SLC15A4: variants seen among roughly 807,000 people sequenced by gnomAD.
The protein encoded by SLC15A4 is solute carrier family 15 member 4.
SLC15A4 carries 26 observed loss-of-function variants against 46.1 expected under a neutral mutation model. That is an observed-to-expected ratio of 0.56 (90% CI 0.41 to 0.78). The LOEUF is 0.78. SLC15A4 is among the 30% of genes least tolerant of loss of function. The pLI, the probability that SLC15A4 is intolerant of heterozygous loss-of-function variation, is 0.00. For synonymous variants in SLC15A4, 370 were observed against 333.4 expected, an observed-to-expected ratio of 1.11 and a Z score of -1.20; for missense variants, 751 against 755.7, an observed-to-expected ratio of 0.99 and a Z score of 0.07.
intron 7 of SLC15A4, among the ~76,000 whole-genome samples, chr12:128,796,289 G>GT (rs1192135713): frequency 6.6e-6 from 1 of 151,998 alleles, no homozygotes; most frequent in Non-Finnish European, 1.5e-5. Flanking sequence ...GCCAGGCGTG[G>GT]TGGCTGGCGC....
rs924430257 is a variant in SLC15A4, at chr12:128,805,821, C to G, written c.1258+2967G>C. On this transcript the variant is annotated intron_variant, in intron 5 of 7. Transcript: ENST00000266771. ...GAAAATCTTTTAAATGGGAAAAAAT[C>G]CATAAGCTAAGAGATAAAAATTTGA... 5.9e-5 allele frequency among the ~76,000 whole-genome samples: 9 copies of G among 152,020 alleles called. No homozygotes were observed. In the East Asian group the frequency reaches 1.7e-3, roughly 29 times the overall value.
At chr12:128,798,128 C>A (rs114087208) in intron 7 of SLC15A4, among the ~76,000 whole-genome samples, 1 of 152,222 alleles carries the variant, frequency 6.6e-6, no homozygotes, top group Non-Finnish European at 1.5e-5. Context: ...AATGACCAGC[C>A]AATCCTTTAT....
chr12:128,814,595 T>C (rs1955718457), intron 2 of SLC15A4, 180 bp downstream of exon 2: 2 of 625,828 alleles, frequency 3.2e-6, no homozygotes, highest in Non-Finnish European at 5.5e-6. Flanking sequence ...GTCTTTAAGA[T>C]GGGATAATAA....
In SLC15A4 at chr12:128,822,714, G is replaced by T. The variant is rs112799501; in HGVS notation, c.546+684C>A. ...GAACAGGTGCCCGCCACCACGCTCG[G>T]CTAATTTTTGTATTTTTAGCCAGGC... On this transcript the variant is annotated intron_variant, in intron 1 of 7. Transcript: ENST00000266771. 3.0e-3 allele frequency among the ~76,000 whole-genome samples: 463 copies of T among 152,236 alleles called. 1 individual carries two copies. Among genetic ancestry groups the T allele is most frequent in the African/African-American group, 0.01 (433 of 41,546 alleles).
intron 1 of SLC15A4, among the ~76,000 whole-genome samples, chr12:128,820,219 G>A (rs1566058964): frequency 1.3e-5 from 2 of 152,152 alleles, no homozygotes; most frequent in African/African-American, 2.4e-5. Flanking sequence ...GAACCATTAC[G>A]GAACGCACGC....
rs368474461 is a variant in SLC15A4 at position 128,800,823 on chromosome 12, C to T, written c.1414+31G>A. 119 of 1,589,256 alleles carry T rather than the reference C, an allele frequency of 7.5e-5. No homozygotes were observed. In the African/African-American group the frequency reaches 1.5e-3, roughly 20 times the overall value. ...CCGAGCGCTCACGCTTGTGCCTGGA[C>T]TCAGACACCTCCGGCACTAAAGGTC... is the stretch of plus-strand genomic sequence containing the variant. On this transcript the variant is annotated intron_variant, in intron 6 of 7. Coordinates refer to ENST00000266771, the MANE Select transcript of SLC15A4 (RefSeq NM_145648.4).
chr12:128,811,080 T>C (rs1955650953), intron 2 of SLC15A4, among the ~76,000 whole-genome samples: 1 of 152,106 alleles, frequency 6.6e-6, no homozygotes, highest in Non-Finnish European at 1.5e-5. Flanking sequence ...ATTTAGAAAA[T>C]GAACAGGCCC....
At position 128,823,636 on chromosome 12, in the gene SLC15A4, G is replaced by A. The variant is rs771113231; in HGVS notation, c.308C>T (p.Ala103Val). The stretch of plus-strand genomic sequence containing the variant: ...CGCCAGGCTCAGCAGGATGGCGCGC[G>A]CCCGGCCCAGCCGCGCGTCGGCCAG... ...GWLADARLGR[A>V]RAILLSLALY... Residue 103 changes from alanine to valine, a missense_variant, in exon 1 of 8, where the codon GCG becomes GTG. Ala to Val is a moderately conservative substitution (Grantham distance 64). Coordinates refer to ENST00000266771, the MANE Select transcript of SLC15A4 (RefSeq NM_145648.4). 6.5e-5 allele frequency: 96 copies of A among 1,482,084 alleles called. No homozygotes were observed. Among genetic ancestry groups the A allele is most frequent in the Non-Finnish European group, 8.5e-5 (95 of 1,121,026 alleles). The allele number at this position is 1,482,084 out of a possible 1,614,324, so 91.8% of individuals were successfully genotyped here.
At chr12:128,815,208 AGAAACATTCACG>A in intron 1 of SLC15A4, 138 bp from the exon 2 acceptor site, 2 of 801,754 alleles carry the variant, frequency 2.5e-6, no homozygotes, top group Non-Finnish European at 3.9e-6. Context: ...TTGTGTTTAC[AGAAACATTCACG>A]GATCTCAACA....
Position 128,806,385 on chromosome 12 carries a change from T to G in SLC15A4, c.1258+2403A>C, listed in dbSNP as rs566284055. Among the ~76,000 whole-genome samples the G allele has an allele frequency of 3.3e-5, 5 of 152,070 alleles. No individual in the cohort carries two copies. In the East Asian group the frequency reaches 9.7e-4, roughly 29 times the overall value. Reference sequence around the variant, plus strand: ...TTTCAACCCTTCAGCTAAGAAAAGATTAACAGAAAAAAAAATCATTTATTA... The same window carrying G: ...TTTCAACCCTTCAGCTAAGAAAAGAGTAACAGAAAAAAAAATCATTTATTA... On this transcript the variant is annotated intron_variant, in intron 5 of 7. Coordinates refer to ENST00000266771, the MANE Select transcript of SLC15A4 (RefSeq NM_145648.4).
intron 7 of SLC15A4, among the ~76,000 whole-genome samples, chr12:128,796,704 T>C (rs1381608485): frequency 6.6e-6 from 1 of 152,242 alleles, no homozygotes; most frequent in Admixed American, 6.5e-5. Context: ...AGCCTGGCAC[T>C]AGCTGTCACT....
chr12:128,795,251 G>C (rs1461128370), intron 7 of SLC15A4, among the ~76,000 whole-genome samples: 2 of 152,164 alleles, frequency 1.3e-5, no homozygotes, highest in Non-Finnish European at 2.9e-5. Flanking sequence ...GCTGGTTTCT[G>C]AATGTGTCTT....
Position 128,812,538 on chromosome 12 carries a change from G to T in SLC15A4, c.842+2237C>A, listed in dbSNP as rs557464475. 4.2e-4 allele frequency among the ~76,000 whole-genome samples: 64 copies of T among 152,178 alleles called. 1 individual carries two copies. Among genetic ancestry groups the T allele is most frequent in the African/African-American group, 1.5e-3 (62 of 41,532 alleles). ...TTCACGTATTCGCCAGGATGGTCTC[G>T]ATCTCCTGACCTCGTGATCCGCCCG... On this transcript the variant is annotated intron_variant, in intron 2 of 7. Coordinates refer to ENST00000266771, the MANE Select transcript of SLC15A4 (RefSeq NM_145648.4).
chr12:128,800,822 A>T, intron 6 of SLC15A4, 32 bp downstream of exon 6: 2 of 1,589,362 alleles, frequency 1.3e-6, no homozygotes, highest in Non-Finnish European at 1.7e-6. Context: ...TTGTGCCTGG[A>T]CTCAGACACC....
chr12:128,811,923 C>T (rs530272700), intron 2 of SLC15A4, among the ~76,000 whole-genome samples: 2 of 152,192 alleles, frequency 1.3e-5, no homozygotes, highest in Non-Finnish European at 2.9e-5. Context: ...GGGTCCAACA[C>T]GAAGCCACGG....
intron 2 of SLC15A4, 97 bp from the exon 3 acceptor site, chr12:128,810,208 G>C: frequency 8.4e-7 from 1 of 1,190,262 alleles, no homozygotes; most frequent in Non-Finnish European, 1.2e-6. Context: ...CCAGCTCACT[G>C]TATTGAATCT....
At chr12:128,801,075 G>T in intron 5 of SLC15A4, 66 bp from the exon 6 acceptor site, 1 of 1,450,382 alleles carries the variant, frequency 6.9e-7, no homozygotes, top group Non-Finnish European at 9.3e-7. Flanking sequence ...CTAAAAATCT[G>T]ATGTTGGCTA....
intron 7 of SLC15A4, among the ~76,000 whole-genome samples, chr12:128,795,177 G>A (rs1027837387): frequency 1.3e-5 from 2 of 152,046 alleles, no homozygotes; most frequent in Admixed American, 1.3e-4. Context: ...TTCACTGCAT[G>A]GGTCACTGAC....
At chr12:128,798,908 T>C (rs1955479958) in intron 7 of SLC15A4, among the ~76,000 whole-genome samples, 1 of 150,120 alleles carries the variant, frequency 6.7e-6, no homozygotes, top group Non-Finnish European at 1.5e-5. Context: ...GGGGTACAGA[T>C]TCAGCTGCCT....
Sources: allele counts gnomAD v4.1 joint callset (sites outside exome capture counted in the v4.1 genomes callset), GRCh38; gene constraint gnomAD v4.1.1; transcripts MANE v1.5; gene names NCBI Gene and HGNC (gene_info 2026-07-23, HGNC 2026-07-21).